ARHGAP20: variants seen among roughly 807,000 people sequenced by gnomAD.
The protein encoded by ARHGAP20 is rho GTPase-activating protein 20.
A neutral mutation model predicts 73.7 loss-of-function variants in ARHGAP20; 34 were observed. The ratio of observed to expected loss-of-function variants is 0.46; its 90% CI spans 0.35 to 0.61. The LOEUF is 0.61. Among genes scored for constraint, ARHGAP20 ranks in the 20% least tolerant of loss-of-function variants. ARHGAP20 has a pLI of 0.00. For synonymous variants in ARHGAP20, 523 were observed against 518.2 expected (o/e 1.01, Z -0.13); for missense variants, 1,314 against 1,420.9 (o/e 0.92, Z 1.21).
intron 2 of ARHGAP20, among the ~76,000 whole-genome samples, chr11:110,635,191 G>A (rs1344166060): frequency 1.3e-5 from 2 of 152,014 alleles, no homozygotes; most frequent in Non-Finnish European, 2.9e-5. Context: ...TAATAGCTCT[G>A]AATTAATCCC....
chr11:110,594,911 C>T (rs1341130075), intron 9 of ARHGAP20, among the ~76,000 whole-genome samples: 8 of 151,776 alleles, frequency 5.3e-5, no homozygotes, highest in African/African-American at 7.3e-5. Flanking sequence ...ACTGGCAAAC[C>T]GAATCCAGCA....
intron 2 of ARHGAP20, among the ~76,000 whole-genome samples, chr11:110,670,203 T>C (rs548066986): frequency 1.3e-5 from 2 of 152,216 alleles, no homozygotes; most frequent in South Asian, 2.1e-4. Flanking sequence ...GTGTGCTTTA[T>C]TGTACATAAT....
rs1947444130 is a variant in ARHGAP20 at position 110,580,887 on chromosome 11, A to C, written c.2059T>G (p.Ser687Ala). The change falls in exon 15 of 15, where the codon TCC (serine) becomes GCC (alanine). Residue 687 changes from serine to alanine, a missense_variant. Around this residue, in one of 3 missense-constraint regions of ARHGAP20, gnomAD observed 641 missense variants for 636.9 expected, o/e 1.01. Transcript: ENST00000683387. The part of the protein sequence containing the change: ...PSAMCTPSYL[S>A]TAAANAAKSL... ...TTTGCAGCATTTGCTGCAGCTGTGG[A>C]CAGGTAGCTGGGTGTGCACATGGCA... 5 of 1,612,742 alleles carry C rather than the reference A, an allele frequency of 3.1e-6. No homozygotes were observed. The highest frequency in any genetic ancestry group is 4.2e-6 in the Non-Finnish European group (5 of 1,178,934).
At chr11:110,639,248 C>T (rs529518663) in intron 2 of ARHGAP20, among the ~76,000 whole-genome samples, 1 of 142,062 alleles carries the variant, frequency 7.0e-6, no homozygotes, top group Non-Finnish European at 1.5e-5. Flanking sequence ...ACCCCCCCCC[C>T]ACAAGAGTTT....
In ARHGAP20 at chr11:110,694,188, C is replaced by G. The variant is rs556900914; in HGVS notation, c.106-3559G>C. Among the ~76,000 whole-genome samples, 5 of 151,934 alleles carry G rather than the reference C, an allele frequency of 3.3e-5. No homozygotes were observed. In the South Asian group the frequency reaches 1.0e-3, roughly 31 times the overall value. Reference sequence around the variant, plus strand: ...CAAATATGAAGTAGTACCTATCTATCTCTCTGTCCCCCAAATGGGAAAAAA... The same window carrying G: ...CAAATATGAAGTAGTACCTATCTATGTCTCTGTCCCCCAAATGGGAAAAAA... On this transcript the variant is annotated intron_variant, in intron 1 of 14. Transcript: ENST00000683387.
intron 9 of ARHGAP20, among the ~76,000 whole-genome samples, chr11:110,599,455 C>T (rs970812171): frequency 4.6e-5 from 7 of 152,206 alleles, no homozygotes; most frequent in East Asian, 1.9e-4. Flanking sequence ...TGAGGCAGCT[C>T]GGTGCTGGCC....
intron 2 of ARHGAP20, among the ~76,000 whole-genome samples, chr11:110,657,735 A>C (rs1241834827): frequency 2.0e-5 from 3 of 152,026 alleles, no homozygotes; most frequent in South Asian, 2.1e-4. Context: ...TCTCTACGAA[A>C]AATACAAAAA....
rs73563843 is a variant in ARHGAP20 at position 110,699,604 on chromosome 11, T to C, written c.106-8975A>G. 2.7e-3 allele frequency among the ~76,000 whole-genome samples: 414 copies of C among 152,194 alleles called. 2 individuals carry two copies. Among genetic ancestry groups the C allele is most frequent in the African/African-American group, 9.5e-3 (395 of 41,552 alleles). The stretch of plus-strand genomic sequence containing the variant: ...TTCTGGTGTTAGGTGCATATATATT[T>C]AAGATAGTTATATCTTCTTGTATTG... On this transcript the variant is annotated intron_variant, in intron 1 of 14. Coordinates refer to ENST00000683387, the MANE Select transcript of ARHGAP20 (RefSeq NM_001384657.1).
chr11:110,633,330 G>A (rs1211354025), intron 2 of ARHGAP20, among the ~76,000 whole-genome samples: 4 of 152,054 alleles, frequency 2.6e-5, no homozygotes, highest in Admixed American at 1.3e-4. Flanking sequence ...TTAAAATCAC[G>A]ACTATAAAGC....
chr11:110,631,973 T>C (rs1291789415), intron 2 of ARHGAP20, among the ~76,000 whole-genome samples: 1 of 152,126 alleles, frequency 6.6e-6, no homozygotes, highest in Non-Finnish European at 1.5e-5. Context: ...TGTAAGATAT[T>C]ACTTCCTCAT....
At chr11:110,710,302 G>A (rs570955797) in intron 1 of ARHGAP20, among the ~76,000 whole-genome samples, 2 of 152,250 alleles carry the variant, frequency 1.3e-5, no homozygotes, top group South Asian at 2.1e-4. Flanking sequence ...CTTAAGGACG[G>A]TGGCTATGAT....
At chr11:110,635,465 A>C (rs1234309574) in intron 2 of ARHGAP20, among the ~76,000 whole-genome samples, 1 of 152,102 alleles carries the variant, frequency 6.6e-6, no homozygotes, top group Non-Finnish European at 1.5e-5. Context: ...TAGCTCTAAC[A>C]TTGTAAAATT....
In ARHGAP20 at chr11:110,610,658, C is replaced by G. The variant is rs147485029; in HGVS notation, c.708+651G>C. On this transcript the variant is annotated intron_variant, in intron 7 of 14. Coordinates refer to ENST00000683387, the MANE Select transcript of ARHGAP20 (RefSeq NM_001384657.1). ...TCAAATGTTCTAATCTTCTCCACTC[C>G]TAAAATTCTCAAAAATTCACCTCTA... 1.9e-3 allele frequency among the ~76,000 whole-genome samples: 294 copies of G among 152,190 alleles called. 1 individual carries two copies. The South Asian group carries it at 0.021, about 11-fold the overall frequency.
chr11:110,699,722 T>C (rs1033784870), intron 1 of ARHGAP20, among the ~76,000 whole-genome samples: 1 of 152,014 alleles, frequency 6.6e-6, no homozygotes, highest in Admixed American at 6.6e-5. Flanking sequence ...TCCTGCTCAC[T>C]TTTGTTTTCC....
intron 2 of ARHGAP20, among the ~76,000 whole-genome samples, chr11:110,666,764 A>ATGAGG (rs1949731907): frequency 6.6e-6 from 1 of 152,228 alleles, no homozygotes; most frequent in Non-Finnish European, 1.5e-5. Context: ...GTGATCTGTG[A>ATGAGG]TCAGTAATCT....
At chr11:110,625,070 G>A (rs544973908) in intron 3 of ARHGAP20, among the ~76,000 whole-genome samples, 24 of 138,242 alleles carry the variant, frequency 1.7e-4, no homozygotes, top group African/African-American at 2.4e-4. Flanking sequence ...TCGCTCTGTC[G>A]CCCAGGCCGG....
intron 2 of ARHGAP20, among the ~76,000 whole-genome samples, chr11:110,635,419 T>A (rs955491543): frequency 2.0e-5 from 3 of 152,276 alleles, no homozygotes; most frequent in African/African-American, 7.2e-5. Flanking sequence ...CTAACGCACA[T>A]TAGATCAACT....
chr11:110,591,341 C>T (rs758212926), intron 10 of ARHGAP20, among the ~76,000 whole-genome samples: 5 of 152,162 alleles, frequency 3.3e-5, no homozygotes, highest in Non-Finnish European at 5.9e-5. Flanking sequence ...TAACAACTAT[C>T]CCCTAAATTT....
intron 9 of ARHGAP20, among the ~76,000 whole-genome samples, chr11:110,599,060 C>A (rs998488507): frequency 6.6e-6 from 1 of 152,166 alleles, no homozygotes; most frequent in East Asian, 1.9e-4. Context: ...AGGAGCCCTG[C>A]CCTCCCAGGT....
Sources: allele counts gnomAD v4.1 joint callset (sites outside exome capture counted in the v4.1 genomes callset), GRCh38; gene constraint gnomAD v4.1.1; regional missense constraint gnomAD v4.1.1; transcripts MANE v1.5; gene names NCBI Gene and HGNC (gene_info 2026-07-23, HGNC 2026-07-21).